FGF10: variants seen among roughly 807,000 people sequenced by gnomAD.
The protein encoded by FGF10 is fibroblast growth factor 10, also known as FGF-10.
In FGF10, 2 loss-of-function variants were observed where a neutral mutation model predicts 19.8. That is an observed-to-expected ratio of 0.10 (90% confidence interval 0.04 to 0.32). The LOEUF (loss-of-function observed/expected upper bound fraction) is 0.32, where lower values mean the gene tolerates loss of function less well. Ranked by LOEUF, FGF10 falls within the 10% of genes least tolerant of loss-of-function variation. The pLI, the probability that FGF10 is intolerant of heterozygous loss-of-function variation, is 1.00. For synonymous variants in FGF10, 112 were observed against 94.0 expected (o/e 1.19, Z -1.10); for missense variants, 191 against 246.3 (o/e 0.78, Z 1.50).
chr5:44,322,442 C>T (rs1017886454), intron 1 of FGF10, among the ~76,000 whole-genome samples: 1 of 152,090 alleles, frequency 6.6e-6, no homozygotes, highest in Admixed American at 6.6e-5. Context: ...TGATCACTTA[C>T]CTCAGCTTTC....
rs1739994901 is a variant in FGF10, at chr5:44,302,845, G to A, written c.*2150C>T. On this transcript the variant is annotated 3_prime_UTR_variant, in exon 3 of 3. Transcript: ENST00000264664. ...AATGTCTATGTGAAATAAGAATCCA[G>A]TTTGTGCCCTGTTTGCTGTTACTGT... is the stretch of plus-strand genomic sequence containing the variant. 6.6e-6 allele frequency among the ~76,000 whole-genome samples: 1 copy of A among 152,142 alleles called. No individual in the cohort carries two copies. The highest frequency in any genetic ancestry group is 1.5e-5 in the Non-Finnish European group (1 of 68,024).
intron 1 of FGF10, among the ~76,000 whole-genome samples, chr5:44,327,484 C>T (rs1579907791): frequency 6.6e-6 from 1 of 152,158 alleles, no homozygotes. Flanking sequence ...CCCTTAACCA[C>T]AAAGTCCAAT....
chr5:44,307,718 C>T (rs1740115314), intron 2 of FGF10, among the ~76,000 whole-genome samples: 1 of 152,122 alleles, frequency 6.6e-6, no homozygotes, highest in Non-Finnish European at 1.5e-5. Flanking sequence ...ACCTAATATA[C>T]AGAATTATAT....
intron 1 of FGF10, among the ~76,000 whole-genome samples, chr5:44,349,444 ATATAT>A (rs1425050506): frequency 1.7e-4 from 2 of 11,606 alleles, no homozygotes; most frequent in African/African-American, 4.5e-4. Context: ...ATATATATAT[ATATAT>A]ATATATATAT....
intron 1 of FGF10, among the ~76,000 whole-genome samples, chr5:44,365,201 C>A (rs1379001465): frequency 1.3e-5 from 2 of 151,396 alleles, no homozygotes; most frequent in Non-Finnish European, 2.9e-5. Flanking sequence ...GACTTTATAC[C>A]CCAAGATGAG....
chr5:44,348,413 A>C (rs745461010), intron 1 of FGF10, among the ~76,000 whole-genome samples: 2 of 151,594 alleles, frequency 1.3e-5, no homozygotes, highest in Non-Finnish European at 3.0e-5. Context: ...TGAAAACAGA[A>C]CTAGGGACAG....
intron 1 of FGF10, among the ~76,000 whole-genome samples, chr5:44,365,405 C>G (rs1741584870): frequency 6.8e-6 from 1 of 146,248 alleles, no homozygotes; most frequent in African/African-American, 2.5e-5. Context: ...TTGCTTCTTT[C>G]TTTATAAATC....
intron 1 of FGF10, among the ~76,000 whole-genome samples, chr5:44,343,712 A>G (rs1031598103): frequency 6.6e-6 from 1 of 152,018 alleles, no homozygotes; most frequent in Admixed American, 6.6e-5. Context: ...TTCTTTTGCC[A>G]AAACATAGCA....
At chr5:44,386,472 C>A (rs1249263390) in intron 1 of FGF10, among the ~76,000 whole-genome samples, 1 of 152,102 alleles carries the variant, frequency 6.6e-6, no homozygotes, top group Non-Finnish European at 1.5e-5. Flanking sequence ...CTCTGTCCAG[C>A]CCAATGTTTG....
At chr5:44,356,052 T>A (rs1741340088) in intron 1 of FGF10, among the ~76,000 whole-genome samples, 1 of 151,460 alleles carries the variant, frequency 6.6e-6, no homozygotes, top group Non-Finnish European at 1.5e-5. Context: ...TTTCACCAAC[T>A]CTATTCCAGC....
In FGF10 at chr5:44,301,289, G is replaced by A. The variant is rs1739959644; in HGVS notation, c.*3706C>T. ...ATATAACTTTATTTAGACAAAGTTTGGACCAGCTGAACCCTTCAGTAATAT... is the reference window on the plus strand; with the variant it reads ...ATATAACTTTATTTAGACAAAGTTTAGACCAGCTGAACCCTTCAGTAATAT... On this transcript the variant is annotated 3_prime_UTR_variant, in exon 3 of 3. Transcript: ENST00000264664. 6.6e-6 allele frequency among the ~76,000 whole-genome samples: 1 copy of A among 151,958 alleles called. No homozygotes were observed. Among genetic ancestry groups the A allele is most frequent in the Admixed American group, 6.6e-5 (1 of 15,228 alleles).
At chr5:44,338,477 G>T (rs1442310791) in intron 1 of FGF10, among the ~76,000 whole-genome samples, 2 of 152,226 alleles carry the variant, frequency 1.3e-5, no homozygotes, top group South Asian at 2.1e-4. Context: ...GCCATTTAGA[G>T]GAGATAAATG....
intron 2 of FGF10, among the ~76,000 whole-genome samples, chr5:44,309,950 T>C (rs1216910289): frequency 6.6e-6 from 1 of 152,008 alleles, no homozygotes; most frequent in Admixed American, 6.6e-5. Context: ...AATTCTAGAG[T>C]TGATTGAACA....
At chr5:44,312,853 C>T (rs1740244830) in intron 1 of FGF10, among the ~76,000 whole-genome samples, 1 of 151,958 alleles carries the variant, frequency 6.6e-6, no homozygotes, top group Non-Finnish European at 1.5e-5. Context: ...CATGCAACGT[C>T]CTGGGATTAA....
At chr5:44,369,353 C>T (rs966902977) in intron 1 of FGF10, among the ~76,000 whole-genome samples, 1 of 152,022 alleles carries the variant, frequency 6.6e-6, no homozygotes, top group African/African-American at 2.4e-5. Context: ...GTCAATATTC[C>T]TTCTTCATGT....
chr5:44,318,431 G>A (rs964204933), intron 1 of FGF10, among the ~76,000 whole-genome samples: 5 of 152,020 alleles, frequency 3.3e-5, no homozygotes, highest in Admixed American at 1.3e-4. Context: ...TGAAAAGTTC[G>A]AAATCCTGGC....
At chr5:44,315,060 C>A (rs964744278) in intron 1 of FGF10, among the ~76,000 whole-genome samples, 1 of 151,778 alleles carries the variant, frequency 6.6e-6, no homozygotes, top group Admixed American at 6.6e-5. Context: ...GTATTAAGCA[C>A]CAGTGTGCAG....
At chr5:44,368,825 T>C (rs1741679342) in intron 1 of FGF10, among the ~76,000 whole-genome samples, 1 of 151,838 alleles carries the variant, frequency 6.6e-6, no homozygotes, top group African/African-American at 2.4e-5. Context: ...ACCATCATGA[T>C]TGGCTAATTT....
At chr5:44,331,903 T>C (rs1414433468) in intron 1 of FGF10, among the ~76,000 whole-genome samples, 1 of 152,020 alleles carries the variant, frequency 6.6e-6, no homozygotes, top group Admixed American at 6.6e-5. Context: ...ATATTTAATG[T>C]GGACACTTTT....
Sources: allele counts gnomAD v4.1 joint callset (sites outside exome capture counted in the v4.1 genomes callset), GRCh38; gene constraint gnomAD v4.1.1; transcripts MANE v1.5; gene names NCBI Gene and HGNC (gene_info 2026-07-23, HGNC 2026-07-21).